The following EDIL3 variants were observed in gnomAD, a reference collection of about 807,000 sequenced individuals.
The protein encoded by EDIL3 is EGF-like repeat and discoidin I-like domain-containing protein 3.
Under a neutral mutation model 67.4 loss-of-function variants are expected in EDIL3, and 37 were observed. The ratio of observed to expected loss-of-function variants is 0.55; its 90% CI spans 0.42 to 0.72. The LOEUF (loss-of-function observed/expected upper bound fraction) is 0.72, where lower values mean the gene tolerates loss of function less well. EDIL3 is among the 30% of genes least tolerant of loss of function. The pLI is 0.00. For missense variants in EDIL3, 527 were observed against 586.3 expected, an observed-to-expected ratio of 0.90 and a Z score of 1.04; for synonymous variants, 195 against 196.3, an observed-to-expected ratio of 0.99 and a Z score of 0.05.
At chr5:84,226,628 G>A (rs1172989990) in intron 3 of EDIL3, among the ~76,000 whole-genome samples, 1 of 151,690 alleles carries the variant, frequency 6.6e-6, no homozygotes, top group African/African-American at 2.4e-5. Context: ...CCCATTGTCT[G>A]CTTTTTATAC....
At chr5:84,153,756 C>A (rs1326540340) in intron 4 of EDIL3, among the ~76,000 whole-genome samples, 5 of 152,190 alleles carry the variant, frequency 3.3e-5, no homozygotes, top group Admixed American at 6.5e-5. Context: ...AGCCACCGCA[C>A]CCGGCCTTGT....
At chr5:84,186,389 C>T (rs771022700) in intron 3 of EDIL3, among the ~76,000 whole-genome samples, 16 of 152,020 alleles carry the variant, frequency 1.1e-4, no homozygotes, top group Admixed American at 2.0e-4. Context: ...ATGTGCTGGT[C>T]TCTGCTAGTA....
chr5:84,365,244 A>C (rs936350742), intron 1 of EDIL3, among the ~76,000 whole-genome samples: 1 of 152,164 alleles, frequency 6.6e-6, no homozygotes, highest in African/African-American at 2.4e-5. Flanking sequence ...CCAGCCATGA[A>C]CTAGTAGATT....
At position 84,180,491 on chromosome 5, in the gene EDIL3, C is replaced by A. The variant is rs1251851167; in HGVS notation, c.257G>T (p.Gly86Val). The change falls in exon 4 of 11, where the codon GGA becomes GTA. Residue 86 changes from glycine (G) to valine (V), a missense_variant. Physicochemically the swap from Gly to Val is moderately radical, Grantham distance 109. Coordinates refer to ENST00000296591, the MANE Select transcript of EDIL3 (RefSeq NM_005711.5). Reference sequence around the variant, plus strand: ...TGCTTCACTTATTTCACAGGTTCCTCCATTATGGCATGGATTAGGAGTGCA... The same window carrying A: ...TGCTTCACTTATTTCACAGGTTCCTACATTATGGCATGGATTAGGAGTGCA... The part of the protein sequence containing the change: ...GPCTPNPCHN[G>V]GTCEISEAYR... 1 of 1,605,828 alleles carries A rather than the reference C, an allele frequency of 6.2e-7. No homozygotes were observed. The highest frequency in any genetic ancestry group is 1.3e-5 in the African/African-American group (1 of 74,680).
intron 9 of EDIL3, among the ~76,000 whole-genome samples, chr5:84,037,143 T>C (rs1407522357): frequency 1.3e-5 from 2 of 152,178 alleles, no homozygotes; most frequent in African/African-American, 4.8e-5. Flanking sequence ...AAGAGCACTT[T>C]TGCACAAATG....
At position 84,322,793 on chromosome 5, in the gene EDIL3, G is replaced by C. The variant is rs180907774; in HGVS notation, c.67+61515C>G. ...ATAATAAAACTTTGAAAAGAAAAAG[G>C]CAAATAGAAAATTTTTAAGGCAGCA... On this transcript the variant is annotated intron_variant, in intron 1 of 10. Coordinates refer to ENST00000296591, the MANE Select transcript of EDIL3 (RefSeq NM_005711.5). Among the ~76,000 whole-genome samples, 157 of 152,074 alleles carry C rather than the reference G, an allele frequency of 1.0e-3. 3 individuals carry two copies. The highest frequency in any genetic ancestry group is 3.6e-3 in the African/African-American group (151 of 41,516).
chr5:84,013,106 C>A (rs508004), intron 9 of EDIL3, among the ~76,000 whole-genome samples: 98,328 of 151,090 alleles, frequency 0.65, 32,238 homozygotes, highest in East Asian at 0.75. Flanking sequence ...AAGGATTTTA[C>A]ACCTATTACA....
chr5:84,230,798 T>TGTGTGTGTGTGTGTGTGTGA (rs1491220256), intron 2 of EDIL3, among the ~76,000 whole-genome samples: 2 of 150,500 alleles, frequency 1.3e-5, no homozygotes, highest in Admixed American at 6.6e-5. Flanking sequence ...TGTGTGTGTG[T>TGTGTGTGTGTGTGTGTGTGA]GACATACACA....
chr5:84,104,233 T>A (rs1747418153), intron 6 of EDIL3, among the ~76,000 whole-genome samples: 1 of 151,398 alleles, frequency 6.6e-6, no homozygotes, highest in Non-Finnish European at 1.5e-5. Context: ...TACCTGAGGG[T>A]GAAGGATGGG....
At chr5:84,292,445 T>C (rs1303294777) in intron 1 of EDIL3, among the ~76,000 whole-genome samples, 2 of 152,200 alleles carry the variant, frequency 1.3e-5, no homozygotes, top group African/African-American at 2.4e-5. Flanking sequence ...AATGCACTTT[T>C]GTTTAGTTCT....
chr5:84,066,853 C>A (rs1044238744), intron 6 of EDIL3, among the ~76,000 whole-genome samples: 31 of 151,956 alleles, frequency 2.0e-4, no homozygotes, highest in African/African-American at 6.5e-4. Flanking sequence ...GCAATGTGCC[C>A]CAAAAACATA....
chr5:84,266,489 C>T (rs1580044257), intron 1 of EDIL3, among the ~76,000 whole-genome samples: 1 of 152,106 alleles, frequency 6.6e-6, no homozygotes, highest in Non-Finnish European at 1.5e-5. Flanking sequence ...GAGACTCTCA[C>T]GGGGTGGTAT....
chr5:84,359,703 C>T (rs151073171), intron 1 of EDIL3, among the ~76,000 whole-genome samples: 2 of 152,050 alleles, frequency 1.3e-5, no homozygotes, highest in Non-Finnish European at 2.9e-5. Context: ...GATGAGGAAA[C>T]GGGGTTATTC....
chr5:84,264,699 A>G (rs1745310742), intron 1 of EDIL3, among the ~76,000 whole-genome samples: 1 of 152,224 alleles, frequency 6.6e-6, no homozygotes, highest in Non-Finnish European at 1.5e-5. Flanking sequence ...CTTTCAGAGA[A>G]GATTGCAGCT....
chr5:84,165,777 T>C (rs928434391), intron 4 of EDIL3, among the ~76,000 whole-genome samples: 2 of 152,140 alleles, frequency 1.3e-5, no homozygotes, highest in African/African-American at 4.8e-5. Flanking sequence ...ATTAACATAA[T>C]CACTATTTGT....
intron 3 of EDIL3, among the ~76,000 whole-genome samples, chr5:84,210,379 A>G (rs1187633556): frequency 6.6e-6 from 1 of 152,120 alleles, no homozygotes; most frequent in African/African-American, 2.4e-5. Flanking sequence ...CATGCTCTAT[A>G]TATTTTATTG....
At chr5:84,108,010 A>C (rs1747493554) in intron 5 of EDIL3, among the ~76,000 whole-genome samples, 1 of 151,268 alleles carries the variant, frequency 6.6e-6, no homozygotes, top group South Asian at 2.1e-4. Flanking sequence ...ATAAGAAAGA[A>C]GTTCATTGCT....
intron 3 of EDIL3, among the ~76,000 whole-genome samples, chr5:84,196,703 T>C (rs1159263331): frequency 1.3e-5 from 2 of 152,016 alleles, no homozygotes; most frequent in African/African-American, 2.4e-5. Context: ...TTTAAACTTA[T>C]TCAATATCGA....
intron 10 of EDIL3, among the ~76,000 whole-genome samples, chr5:83,958,346 A>G (rs1013701457): frequency 1.7e-4 from 26 of 151,538 alleles, no homozygotes; most frequent in Admixed American, 1.7e-3. Context: ...ATAATCAGAC[A>G]ATTATGGTAA....
Sources: gnomAD v4.1 joint callset for allele counts (sites outside exome capture counted in the v4.1 genomes callset) on GRCh38, gnomAD v4.1.1 for gene constraint, MANE v1.5 for transcripts, NCBI Gene and HGNC (gene_info 2026-07-23, HGNC 2026-07-21) for gene names.